The following ENPP3 variants were observed in gnomAD, a reference collection of about 807,000 sequenced individuals.
ENPP3 encodes ectonucleotide pyrophosphatase/phosphodiesterase family member 3.
A neutral mutation model predicts 117.8 loss-of-function variants in ENPP3; 104 were observed. The observed-to-expected ratio is 0.88, with a 90% CI of 0.75 to 1.04. The LOEUF (loss-of-function observed/expected upper bound fraction) is 1.04. Ranked by LOEUF, ENPP3 falls within the 50% of genes least tolerant of loss-of-function variation. ENPP3 has a pLI of 0.00. For missense variants in ENPP3, 1,026 were observed against 1,051.9 expected (o/e 0.98, Z 0.34); for synonymous variants, 380 against 349.9 (o/e 1.09, Z -0.96).
intron 2 of ENPP3, among the ~76,000 whole-genome samples, chr6:131,644,245 G>A (rs1241821753): frequency 1.3e-5 from 2 of 152,212 alleles, no homozygotes; most frequent in Non-Finnish European, 2.9e-5. Context: ...CATTCTGAGT[G>A]TGACAAGAAC....
chr6:131,661,790 G>T (rs141550944), intron 6 of ENPP3, among the ~76,000 whole-genome samples: 2 of 151,990 alleles, frequency 1.3e-5, no homozygotes, highest in Non-Finnish European at 2.9e-5. Context: ...ATATATTTTC[G>T]AAATTAACTT....
rs1779183374 is a variant in ENPP3 at position 131,687,662 on chromosome 6, AATAACCCC to A, written c.1284+1758_1284+1765del. On this transcript the variant is annotated intron_variant, in intron 14 of 24. Coordinates refer to ENST00000357639, the MANE Select transcript of ENPP3 (RefSeq NM_005021.5). ...TAAACAAATCAACAAGCAAAAAACA[AATAACCCC>A]ATTAAAAAGTGAGCAAAACAAATGA... 2.6e-5 allele frequency among the ~76,000 whole-genome samples: 4 copies of A among 152,282 alleles called. No individual in the cohort carries two copies. In the South Asian group the frequency reaches 8.3e-4, roughly 32 times the overall value.
At chr6:131,670,574 T>TC (rs1435103303) in intron 6 of ENPP3, among the ~76,000 whole-genome samples, 1 of 152,200 alleles carries the variant, frequency 6.6e-6, no homozygotes, top group Non-Finnish European at 1.5e-5. Flanking sequence ...CACTGCCGTC[T>TC]CCATCTCCTG....
At chr6:131,739,096 A>T (rs1428047105) in intron 23 of ENPP3, among the ~76,000 whole-genome samples, 4 of 152,216 alleles carry the variant, frequency 2.6e-5, no homozygotes, top group African/African-American at 4.8e-5. Context: ...AGGTTCCATT[A>T]GCCCCCAGTT....
chr6:131,656,933 G>T (rs1778398074), intron 5 of ENPP3, among the ~76,000 whole-genome samples: 1 of 152,050 alleles, frequency 6.6e-6, no homozygotes, highest in Non-Finnish European at 1.5e-5. Flanking sequence ...TAAAAAAGGG[G>T]TGCATTGGAT....
intron 16 of ENPP3, 110 bp from the exon 17 acceptor site, chr6:131,720,182 G>T: frequency 1.6e-6 from 1 of 630,376 alleles, no homozygotes; most frequent in South Asian, 2.2e-5. Context: ...CCTTACAGAG[G>T]CCTAATACAA....
At chr6:131,692,708 C>CAT (rs1204549824) in intron 14 of ENPP3, among the ~76,000 whole-genome samples, 2 of 140,610 alleles carry the variant, frequency 1.4e-5, no homozygotes, top group Admixed American at 7.3e-5. Context: ...AATATATAAC[C>CAT]ATATATAGTA....
intron 11 of ENPP3, among the ~76,000 whole-genome samples, chr6:131,679,450 G>A (rs911616002): frequency 2.6e-5 from 4 of 151,198 alleles, no homozygotes; most frequent in African/African-American, 9.7e-5. Context: ...CTTTGAGAAG[G>A]GACACTCTAT....
At chr6:131,642,545 G>GTTGCTAGATCATTCAT (rs1305906806) in intron 2 of ENPP3, among the ~76,000 whole-genome samples, 1 of 152,008 alleles carries the variant, frequency 6.6e-6, no homozygotes, top group Non-Finnish European at 1.5e-5. Flanking sequence ...TATGAAGCCA[G>GTTGCTAGATCATTCAT]TTGCTAGATC....
intron 15 of ENPP3, among the ~76,000 whole-genome samples, chr6:131,696,626 G>T (rs1015516886): frequency 1.3e-5 from 2 of 152,200 alleles, no homozygotes; most frequent in African/African-American, 4.8e-5. Context: ...GGCTGCATTG[G>T]CAGGAGGAAG....
intron 17 of ENPP3, 50 bp from the exon 18 acceptor site, chr6:131,722,177 T>A: frequency 7.5e-7 from 1 of 1,334,020 alleles, no homozygotes; most frequent in Non-Finnish European, 1.1e-6. Context: ...ACAGAGGAGT[T>A]GTTGCTTTCC....
rs199569552 is a variant in ENPP3 at position 131,701,205 on chromosome 6, G to T, written c.1412+7581G>T. On this transcript the variant is annotated intron_variant, in intron 15 of 24. Coordinates refer to ENST00000357639, the MANE Select transcript of ENPP3 (RefSeq NM_005021.5). ...GCAGGCGTAGGCGATGTCGACGACC[G>T]CCAGGTGTGAGAGGAAGAAGTACAT... 6 of 1,184,492 alleles carry T rather than the reference G, an allele frequency of 5.1e-6. No individual in the cohort carries two copies. The East Asian group carries it at 7.4e-5, about 15-fold the overall frequency. The allele number at this position is 1,184,492 out of a possible 1,614,324, so 73.4% of individuals were successfully genotyped here. A position where few individuals can be genotyped will look rare whatever the true frequency, so the allele number is the denominator to read the frequency against.
chr6:131,678,981 C>CCTTCCTTG (rs1778946640), intron 11 of ENPP3, among the ~76,000 whole-genome samples: 1 of 110,448 alleles, frequency 9.1e-6, no homozygotes, highest in African/African-American at 5.2e-5. Flanking sequence ...TTCCTTCCTT[C>CCTTCCTTG]CTTCCTTCCT....
intron 5 of ENPP3, among the ~76,000 whole-genome samples, chr6:131,656,985 C>T (rs575355909): frequency 6.6e-6 from 1 of 152,116 alleles, no homozygotes. Flanking sequence ...GTGACCCTGT[C>T]TTTAATCTCT....
chr6:131,739,817 T>C (rs1780487762), intron 23 of ENPP3, among the ~76,000 whole-genome samples: 1 of 151,884 alleles, frequency 6.6e-6, no homozygotes. Flanking sequence ...ACGCCTGTCA[T>C]GCCAACACGT....
At position 131,675,409 on chromosome 6, in the gene ENPP3, A is replaced by G. The variant is rs138648173; in HGVS notation, c.872+220A>G. The G allele has an allele frequency of 3.7e-4, 180 of 489,814 alleles. No homozygotes were observed. The East Asian group carries it at 6.1e-3, about 17-fold the overall frequency. 30.3% of individuals were successfully genotyped at this position (489,814 alleles called of 1,614,324 possible). ...AGCCTGAGAACTTTTTATTACCTCTAGCATTACCACTCTGGTTCGAGCTGT... is the reference window on the plus strand; with the variant it reads ...AGCCTGAGAACTTTTTATTACCTCTGGCATTACCACTCTGGTTCGAGCTGT... On this transcript the variant is annotated intron_variant, in intron 9 of 24. Transcript: ENST00000357639.
At chr6:131,667,571 G>A (rs1052264883) in intron 6 of ENPP3, among the ~76,000 whole-genome samples, 13 of 152,230 alleles carry the variant, frequency 8.5e-5, no homozygotes, top group African/African-American at 2.9e-4. Flanking sequence ...AAATTGGAGT[G>A]TTAGATGTGT....
At chr6:131,678,637 T>C (rs1482435066) in intron 11 of ENPP3, among the ~76,000 whole-genome samples, 1 of 152,240 alleles carries the variant, frequency 6.6e-6, no homozygotes, top group Non-Finnish European at 1.5e-5. Flanking sequence ...CGTTGACAAT[T>C]GTCCTCAATT....
intron 14 of ENPP3, among the ~76,000 whole-genome samples, chr6:131,689,544 CT>C (rs1779232650): frequency 6.6e-6 from 1 of 152,116 alleles, no homozygotes; most frequent in African/African-American, 2.4e-5. Context: ...AAAAAGGTTC[CT>C]TTCTAAAGAT....
Sources: allele counts gnomAD v4.1 joint callset (sites outside exome capture counted in the v4.1 genomes callset), GRCh38; gene constraint gnomAD v4.1.1; transcripts MANE v1.5; gene names NCBI Gene and HGNC (gene_info 2026-07-23, HGNC 2026-07-21).